Variants in ZNF814 observed in about 807,000 individuals in gnomAD.
ZNF814 encodes zinc finger protein 814.
In ZNF814, 5 loss-of-function variants were observed where a neutral mutation model predicts 7.5. The observed-to-expected ratio is 0.67, with a 90% CI of 0.35 to 1.40. ZNF814 has a LOEUF of 1.40. Among genes scored for constraint, ZNF814 ranks in the 40% most tolerant of loss-of-function variants. The pLI is 0.04. For missense variants in ZNF814, 962 were observed against 1,018.0 expected (o/e 0.94, Z 0.75); for synonymous variants, 315 against 340.7 (o/e 0.92, Z 0.83).
intron 2 of ZNF814, chr19:57,876,633 C>T: frequency 2.1e-6 from 1 of 483,872 alleles, no homozygotes; most frequent in Non-Finnish European, 3.6e-6. Flanking sequence ...TACACAGGAA[C>T]CTGAAATCTG....
In ZNF814 at chr19:57,873,033, CTG is replaced by C. The variant is rs1414054204; in HGVS notation, c.2355_2356del (p.Ser786PhefsTer15). 6.2e-7 allele frequency: 1 copy of C among 1,613,120 alleles called. No individual in the cohort carries two copies. The highest frequency in any genetic ancestry group is 8.5e-7 in the Non-Finnish European group (1 of 1,179,766). On this transcript the variant is annotated frameshift_variant, in exon 3 of 3. Coordinates refer to ENST00000435989, the MANE Select transcript of ZNF814 (RefSeq NM_001144989.2). LOFTEE classifies it low-confidence loss of function (END_TRUNC). ...GTGAACTCTTTTGTGTTTTGTGAAA[CTG>C]GAGCTTTCAGCGAAAGATTTTCCAC... is the stretch of plus-strand genomic sequence containing the variant.
the ZNF814 span, among the ~76,000 whole-genome samples, chr19:57,899,804 A>C: frequency 3.3e-5 from 5 of 152,214 alleles, no homozygotes; most frequent in Non-Finnish European, 7.3e-5. Context: ...TTTCTACCTC[A>C]CAATACAACC....
In ZNF814 at chr19:57,875,329, T is replaced by C. The variant is rs913125621; in HGVS notation, c.164-103A>G. 26 of 1,609,470 alleles carry C rather than the reference T, an allele frequency of 1.6e-5. No individual in the cohort carries two copies. The African/African-American group carries it at 3.3e-4, about 21-fold the overall frequency. ...AAACTGAGGAATTACTCCAAGGAAC[T>C]ACTTGGAGGAACAGGATGTTGGCTT... On this transcript the variant is annotated intron_variant, in intron 2 of 2. Coordinates refer to ENST00000435989, the MANE Select transcript of ZNF814 (RefSeq NM_001144989.2).
At chr19:57,882,862 C>CATG (rs1568520678) in intron 1 of ZNF814, among the ~76,000 whole-genome samples, 4,430 of 152,048 alleles carry the variant, frequency 0.029, 202 homozygotes, top group African/African-American at 0.1. Context: ...TGATGAACAT[C>CATG]TACAAGCATC....
Position 57,872,972 on chromosome 19 carries a change from TC to T in ZNF814, c.2417del (p.Gly806GlufsTer107). ...GEKPYECSEC[G>X]KSFAESSSLT... Reference sequence around the variant, plus strand: ...GACTGGAGCTTTCAGCAAAAGATTTTCCACATTCACTGCACTCATAAGGCTT... The same window carrying T: ...GACTGGAGCTTTCAGCAAAAGATTTTCACATTCACTGCACTCATAAGGCTT... On this transcript the variant is annotated frameshift_variant, in exon 3 of 3. Transcript: ENST00000435989. LOFTEE classifies it low-confidence loss of function (END_TRUNC). The T allele has an allele frequency of 6.2e-7, 1 of 1,613,056 alleles. No individual in the cohort carries two copies. The highest frequency in any genetic ancestry group is 8.5e-7 in the Non-Finnish European group (1 of 1,179,640).
the ZNF814 span, among the ~76,000 whole-genome samples, chr19:57,899,516 A>G: frequency 6.6e-6 from 1 of 152,230 alleles, no homozygotes; most frequent in African/African-American, 2.4e-5. Context: ...GACTTTCAAA[A>G]ATTATTAGGA....
Position 57,875,210 on chromosome 19 carries a change from C to T in ZNF814, c.180G>A (p.Val60=), listed in dbSNP as rs2071596330. 1 of 1,520,726 alleles carries T rather than the reference C, an allele frequency of 6.6e-7. No individual in the cohort carries two copies. The highest frequency in any genetic ancestry group is 8.8e-7 in the Non-Finnish European group (1 of 1,135,122). 94.2% of individuals were successfully genotyped at this position (1,520,726 alleles called of 1,614,324 possible). A position where few individuals can be genotyped will look rare whatever the true frequency, so the allele number is the denominator to read the frequency against. The change falls in exon 3 of 3, where the codon GTG becomes GTA. Residue 60 remains valine (V), a synonymous_variant. Coordinates refer to ENST00000435989, the MANE Select transcript of ZNF814 (RefSeq NM_001144989.2). Reference sequence around the variant, plus strand: ...GCTTAGAAGGTGCCGCCTCATCTTCCACTCCACACCAACAACCTGAAAGCA... The same window carrying T: ...GCTTAGAAGGTGCCGCCTCATCTTCTACTCCACACCAACAACCTGAAAGCA... ...LISSLGCWCG[V]EDEAAPSKQS... is the part of the protein sequence containing the mutation.
rs1261428442 is a variant in ZNF814 at position 57,873,586 on chromosome 19, T to C, written c.1804A>G (p.Arg602Gly). The change falls in exon 3 of 3, where the codon AGG becomes GGG. Residue 602 changes from arginine to glycine, a missense_variant. This residue lies in a region of ZNF814 where 665 missense variants were observed against 551.4 expected (regional missense o/e 1.21). Transcript: ENST00000435989. The part of the protein sequence containing the change: ...RSHQRVHTGE[R>G]PYECGECGKS... ...CCACATTCTCCACACTCATAAGGCCTCTCTCCAGTATGAACGCGCTGATGG... is the reference window on the plus strand; with the variant it reads ...CCACATTCTCCACACTCATAAGGCCCCTCTCCAGTATGAACGCGCTGATGG... The C allele has an allele frequency of 6.2e-7, 1 of 1,614,014 alleles. No homozygotes were observed. The highest frequency in any genetic ancestry group is 8.5e-7 in the Non-Finnish European group (1 of 1,179,994).
In ZNF814 at chr19:57,872,362, C is replaced by G; in HGVS notation, c.*460G>C. The G allele has an allele frequency of 5.2e-6, 1 of 193,232 alleles. No homozygotes were observed. Among genetic ancestry groups the G allele is most frequent in the Non-Finnish European group, 1.1e-5 (1 of 94,284 alleles). The allele number at this position is 193,232 out of a possible 1,614,324, so 12.0% of individuals were successfully genotyped here. A position where few individuals can be genotyped will look rare whatever the true frequency, so the allele number is the denominator to read the frequency against. On this transcript the variant is annotated 3_prime_UTR_variant, in exon 3 of 3. Coordinates refer to ENST00000435989, the MANE Select transcript of ZNF814 (RefSeq NM_001144989.2). Reference sequence around the variant, plus strand: ...AAAAGGCATTTCTGCAGTGGGAAGTCTCCTGTGTGTTATGAAGCTAGATTT... The same window carrying G: ...AAAAGGCATTTCTGCAGTGGGAAGTGTCCTGTGTGTTATGAAGCTAGATTT...
chr19:57,876,931 G>A lies in ZNF814; in HGVS notation c.148C>T (p.Leu50Phe), dbSNP rs756567411. ...YRDVTLENLA[L>F]ISSLGCWCGV... ...AGCAACTTACCCAGGGAGGATATAAGTGCCAGGTTCTCCAGCGTCACATCA... is the reference window on the plus strand; with the variant it reads ...AGCAACTTACCCAGGGAGGATATAAATGCCAGGTTCTCCAGCGTCACATCA... Residue 50 changes from leucine (L) to phenylalanine (F), a missense_variant, in exon 2 of 3, where the codon CTT (leucine) becomes TTT (phenylalanine). By Grantham distance (22) the Leu-to-Phe change is conservative. This residue lies in a region of ZNF814 where 63 missense variants were observed against 65.0 expected (regional missense o/e 0.97). Transcript: ENST00000435989. The A allele has an allele frequency of 5.6e-6, 9 of 1,614,160 alleles. No homozygotes were observed. The highest frequency in any genetic ancestry group is 7.6e-6 in the Non-Finnish European group (9 of 1,180,010).
chr19:57,877,152 C>T, intron 1 of ZNF814, 110 bp from the exon 2 acceptor site: 3 of 1,501,924 alleles, frequency 2.0e-6, no homozygotes, highest in Non-Finnish European at 2.7e-6. Context: ...GGTCCTCAAA[C>T]ATAGGAGAAA....
In ZNF814 at chr19:57,888,986, G is replaced by A. The variant is rs1379526256; in HGVS notation, c.-184C>T. 26 of 620,734 alleles carry A rather than the reference G, an allele frequency of 4.2e-5. No homozygotes were observed. Among genetic ancestry groups the A allele is most frequent in the Non-Finnish European group, 6.7e-5 (24 of 356,272 alleles). The allele number at this position is 620,734 out of a possible 1,614,324, so 38.5% of individuals were successfully genotyped here. A position where few individuals can be genotyped will look rare whatever the true frequency, so the allele number is the denominator to read the frequency against. On this transcript the variant is annotated 5_prime_UTR_variant, in exon 1 of 3. Transcript: ENST00000435989. ...TTCTGGGTTCAGTCACCACAGTGCGGACCTAGCGCTCAGGAGCCTCTCCTA... is the reference window on the plus strand; with the variant it reads ...TTCTGGGTTCAGTCACCACAGTGCGAACCTAGCGCTCAGGAGCCTCTCCTA...
Position 57,873,887 on chromosome 19 carries a change from G to C in ZNF814, c.1503C>G (p.Phe501Leu), listed in dbSNP as rs1282041730. The change falls in exon 3 of 3, where the codon TTC becomes TTG. Residue 501 changes from phenylalanine (F) to leucine (L), a missense_variant. Coordinates refer to ENST00000435989, the MANE Select transcript of ZNF814 (RefSeq NM_001144989.2). ...PYQCGECGKSFSQKGNLVLHQ... is the reference protein window; with the variant it reads ...PYQCGECGKSLSQKGNLVLHQ... ...GTAGAACGAGGTTGCCCTTTTGACT[G>C]AAAGATTTCCCACATTCTCCACACT... 1 of 1,512,696 alleles carries C rather than the reference G, an allele frequency of 6.6e-7. No individual in the cohort carries two copies. The highest frequency in any genetic ancestry group is 8.9e-7 in the Non-Finnish European group (1 of 1,128,444). The allele number at this position is 1,512,696 out of a possible 1,614,324, so 93.7% of individuals were successfully genotyped here.
chr19:57,870,643 A>T lies in ZNF814; in HGVS notation c.*2179T>A, dbSNP rs1179019118. The T allele has an allele frequency of 1.3e-5, 2 of 152,190 alleles. No homozygotes were observed. The highest frequency in any genetic ancestry group is 2.9e-5 in the Non-Finnish European group (2 of 68,030). 9.4% of individuals were successfully genotyped at this position (152,190 alleles called of 1,614,324 possible). A position where few individuals can be genotyped will look rare whatever the true frequency, so the allele number is the denominator to read the frequency against. On this transcript the variant is annotated 3_prime_UTR_variant, in exon 3 of 3. Coordinates refer to ENST00000435989, the MANE Select transcript of ZNF814 (RefSeq NM_001144989.2). ...GTCCTGATAATTCCTGTATCTGCAT[A>T]TTCATCATATACGTAGTGACTGGAT...
chr19:57,902,807 C>T, the ZNF814 span, among the ~76,000 whole-genome samples: 18 of 151,828 alleles, frequency 1.2e-4, no homozygotes, highest in African/African-American at 4.1e-4. Flanking sequence ...ACTACAGGCG[C>T]CCACCACCAT....
At chr19:57,895,113 T>C in the ZNF814 span, among the ~76,000 whole-genome samples, 2 of 151,982 alleles carry the variant, frequency 1.3e-5, no homozygotes, top group Non-Finnish European at 2.9e-5. Flanking sequence ...TAATGCAAAG[T>C]TGACATCCTG....
chr19:57,897,767 G>A, the ZNF814 span, among the ~76,000 whole-genome samples: 8,806 of 152,210 alleles, frequency 0.058, 884 homozygotes, highest in African/African-American at 0.2. Context: ...ATTGCTTGGA[G>A]GGTCTAGCTT....
upstream of ZNF814, among the ~76,000 whole-genome samples, chr19:57,889,649 G>A (rs1227739629): frequency 6.6e-6 from 1 of 152,190 alleles, no homozygotes; most frequent in Non-Finnish European, 1.5e-5. Context: ...TGGAACACCT[G>A]AGGTCAGGAG....
intron 2 of ZNF814, chr19:57,876,404 G>GA (rs2071608033): frequency 6.2e-6 from 1 of 161,178 alleles, no homozygotes; most frequent in South Asian, 2.0e-4. Flanking sequence ...CAGACTAAGG[G>GA]AAAGACAGAA....
Sources: allele counts gnomAD v4.1 joint callset (sites outside exome capture counted in the v4.1 genomes callset), GRCh38; gene constraint gnomAD v4.1.1; regional missense constraint gnomAD v4.1.1; transcripts MANE v1.5; gene names NCBI Gene and HGNC (gene_info 2026-07-23, HGNC 2026-07-21).